Variants in PTPRE observed in about 807,000 individuals in gnomAD.
PTPRE encodes receptor-type tyrosine-protein phosphatase epsilon.
Under a neutral mutation model 102.0 loss-of-function variants are expected in PTPRE, and 51 were observed. The ratio of observed to expected loss-of-function variants is 0.50; its 90% CI spans 0.40 to 0.63. PTPRE has a LOEUF of 0.63. Ranked by LOEUF, PTPRE falls within the 30% of genes least tolerant of loss-of-function variation. The pLI is 0.00. For missense variants in PTPRE, 752 were observed against 915.1 expected (o/e 0.82, Z 2.30); for synonymous variants, 345 against 348.2 (o/e 0.99, Z 0.10).
At chr10:128,041,359 T>A (rs551645559) in intron 3 of PTPRE, among the ~76,000 whole-genome samples, 5 of 152,002 alleles carry the variant, frequency 3.3e-5, no homozygotes, top group Non-Finnish European at 5.9e-5. Context: ...AACTAAAGAA[T>A]TATTCTTAGG....
At chr10:127,982,524 GT>G in intron 2 of PTPRE, among the ~76,000 whole-genome samples, 1 of 138,414 alleles carries the variant, frequency 7.2e-6, no homozygotes, top group Non-Finnish European at 1.6e-5. Context: ...GTGTGTGTGT[GT>G]GTGTGAAATT....
chr10:128,043,889 A>ATTTCATCTG (rs1464087336), intron 3 of PTPRE, among the ~76,000 whole-genome samples: 1 of 152,200 alleles, frequency 6.6e-6, no homozygotes, highest in Non-Finnish European at 1.5e-5. Flanking sequence ...CCCGTGGTGC[A>ATTTCATCTG]TTTCATCTGT....
intron 2 of PTPRE, among the ~76,000 whole-genome samples, chr10:128,031,554 G>T (rs145249897): frequency 0.011 from 1,666 of 152,324 alleles, 19 homozygotes; most frequent in Middle Eastern, 0.031. Context: ...TTCCTATATT[G>T]ATGTTTCCCA....
chr10:127,928,584 G>A (rs1442642481), intron 1 of PTPRE, among the ~76,000 whole-genome samples: 1 of 152,176 alleles, frequency 6.6e-6, no homozygotes, highest in African/African-American at 2.4e-5. Flanking sequence ...TCTCCTGGAT[G>A]GAGGACAGAT....
intron 2 of PTPRE, among the ~76,000 whole-genome samples, chr10:127,994,611 A>G (rs1319300127): frequency 6.6e-6 from 1 of 152,202 alleles, no homozygotes. Context: ...TAAATACATG[A>G]AGTCAACTAA....
Position 128,084,819 on chromosome 10 carries a change from CATTT to C in PTPRE, c.*1918_*1921del, listed in dbSNP as rs5788894. On this transcript the variant is annotated 3_prime_UTR_variant, in exon 21 of 21. Coordinates refer to ENST00000254667, the MANE Select transcript of PTPRE (RefSeq NM_006504.6). ...ACGATGAAGGTGACATTTCTCTGGTCATTTATTTGAGAGTTCGAAGTCAAAGTCG... is the reference window on the plus strand; with the variant it reads ...ACGATGAAGGTGACATTTCTCTGGTCATTTGAGAGTTCGAAGTCAAAGTCG... 0.53 allele frequency: 87,758 copies of C among 164,314 alleles called. 23,725 individuals are homozygous for C. Among genetic ancestry groups the C allele is most frequent in the Admixed American group, 0.61 (9,844 of 16,032 alleles). The allele number at this position is 164,314 out of a possible 1,614,324, so 10.2% of individuals were successfully genotyped here.
At chr10:127,917,070 G>A (rs983780488) in intron 1 of PTPRE, among the ~76,000 whole-genome samples, 1 of 152,048 alleles carries the variant, frequency 6.6e-6, no homozygotes, top group Non-Finnish European at 1.5e-5. Context: ...GGGGGAAACC[G>A]ACTCAGCAGG....
intron 1 of PTPRE, among the ~76,000 whole-genome samples, chr10:127,972,870 G>A (rs369976234): frequency 2.0e-5 from 3 of 152,190 alleles, no homozygotes; most frequent in African/African-American, 4.8e-5. Context: ...CTCTACCACC[G>A]GCCTTTAATG....
chr10:127,972,362 C>G (rs1850813355), intron 1 of PTPRE, among the ~76,000 whole-genome samples: 1 of 152,204 alleles, frequency 6.6e-6, no homozygotes, highest in African/African-American at 2.4e-5. Flanking sequence ...GGCTCAACCT[C>G]TTATTGACCA....
At chr10:128,056,272 C>A in intron 7 of PTPRE, 59 bp downstream of exon 7, 1 of 1,416,192 alleles carries the variant, frequency 7.1e-7, no homozygotes, top group Non-Finnish European at 9.9e-7. Flanking sequence ...CTCAGCTTTG[C>A]CTTGCAGCTC....
chr10:127,922,001 A>C (rs1417253723), intron 1 of PTPRE, among the ~76,000 whole-genome samples: 1 of 152,230 alleles, frequency 6.6e-6, no homozygotes, highest in African/African-American at 2.4e-5. Context: ...GGAAATTGCT[A>C]AAGGAAAGCA....
chr10:127,989,902 C>T (rs939755989), intron 2 of PTPRE, among the ~76,000 whole-genome samples: 2 of 152,176 alleles, frequency 1.3e-5, no homozygotes, highest in African/African-American at 4.8e-5. Flanking sequence ...TGTTTCCTTC[C>T]AGCACAGCCA....
intron 17 of PTPRE, among the ~76,000 whole-genome samples, chr10:128,074,483 T>C (rs577100926): frequency 6.6e-5 from 10 of 152,302 alleles, no homozygotes; most frequent in African/African-American, 2.4e-4. Flanking sequence ...CTGGCCAACA[T>C]GGCAAAACCC....
intron 2 of PTPRE, among the ~76,000 whole-genome samples, chr10:128,000,567 C>T (rs1853770614): frequency 6.6e-6 from 1 of 152,184 alleles, no homozygotes. Flanking sequence ...TTGATAAATG[C>T]TCAAATTGTT....
chr10:127,914,233 G>T (rs1388711225), intron 1 of PTPRE, among the ~76,000 whole-genome samples: 2 of 152,144 alleles, frequency 1.3e-5, no homozygotes, highest in African/African-American at 4.8e-5. Flanking sequence ...CCTGAAGCAG[G>T]TGCCAGCATT....
At chr10:128,005,639 G>A (rs556969389) in intron 2 of PTPRE, among the ~76,000 whole-genome samples, 7 of 152,240 alleles carry the variant, frequency 4.6e-5, no homozygotes, top group East Asian at 1.9e-4. Context: ...ACCTCTGGGC[G>A]TCCCCGAGCA....
At chr10:127,984,661 T>A (rs989880626) in intron 2 of PTPRE, among the ~76,000 whole-genome samples, 1 of 152,158 alleles carries the variant, frequency 6.6e-6, no homozygotes, top group African/African-American at 2.4e-5. Flanking sequence ...ATGGGGGCGG[T>A]TCCCCCATAC....
chr10:127,994,519 G>A (rs1312093100), intron 2 of PTPRE, among the ~76,000 whole-genome samples: 1 of 152,230 alleles, frequency 6.6e-6, no homozygotes, highest in East Asian at 1.9e-4. Flanking sequence ...TGGCATGAGA[G>A]AGGCACCCAG....
intron 6 of PTPRE, among the ~76,000 whole-genome samples, chr10:128,051,061 C>T (rs1402657992): frequency 6.6e-6 from 1 of 152,200 alleles, no homozygotes; most frequent in Non-Finnish European, 1.5e-5. Context: ...GTGTTGCAAT[C>T]TCTCAGCCTG....
Sources: allele counts gnomAD v4.1 joint callset (sites outside exome capture counted in the v4.1 genomes callset), GRCh38; gene constraint gnomAD v4.1.1; transcripts MANE v1.5; gene names NCBI Gene and HGNC (gene_info 2026-07-23, HGNC 2026-07-21).